The following SAMD12 variants were observed in gnomAD, a reference collection of about 807,000 sequenced individuals.
SAMD12 encodes the protein sterile alpha motif domain-containing protein 12.
In SAMD12, 9 loss-of-function variants were observed where a neutral mutation model predicts 15.0. That is an observed-to-expected ratio of 0.60 (90% CI 0.36 to 1.05). The LOEUF (loss-of-function observed/expected upper bound fraction) is 1.05, where lower values mean the gene tolerates loss of function less well. Among genes scored for constraint, SAMD12 ranks in the 50% least tolerant of loss-of-function variants. SAMD12 has a pLI of 0.01. For missense variants in SAMD12, 230 were observed against 234.2 expected (o/e 0.98, Z 0.12); for synonymous variants, 86 against 90.1 (o/e 0.96, Z 0.25).
intron 2 of SAMD12, among the ~76,000 whole-genome samples, chr8:118,528,960 AAAGAC>A (rs1825608676): frequency 6.6e-6 from 1 of 152,182 alleles, no homozygotes. Context: ...GAAAGAGAAA[AAAGAC>A]AAGAGGAAGA....
At chr8:118,243,865 A>G (rs1488506334) in intron 4 of SAMD12, among the ~76,000 whole-genome samples, 2 of 152,164 alleles carry the variant, frequency 1.3e-5, no homozygotes, top group African/African-American at 4.8e-5. Context: ...CAAAAGAAAG[A>G]AATCTGCATG....
intron 1 of SAMD12, among the ~76,000 whole-genome samples, chr8:118,611,322 T>A (rs540779263): frequency 1.3e-5 from 2 of 151,866 alleles, no homozygotes; most frequent in East Asian, 1.9e-4. Flanking sequence ...AGAAAAAAAA[T>A]GCTCAGTAAA....
chr8:118,223,691 A>G (rs1192135732), intron 4 of SAMD12, among the ~76,000 whole-genome samples: 6 of 152,216 alleles, frequency 3.9e-5, no homozygotes, highest in Admixed American at 2.6e-4. Context: ...TCTTTTGCCC[A>G]TCTCAAGTTC....
intron 2 of SAMD12, among the ~76,000 whole-genome samples, chr8:118,495,553 GC>G (rs1304265962): frequency 1.0e-5 from 1 of 98,234 alleles, no homozygotes; most frequent in Non-Finnish European, 2.0e-5. Context: ...ATTCATGTAG[GC>G]TTTTTTTTTT....
At chr8:118,281,131 T>C (rs1258200458) in intron 4 of SAMD12, among the ~76,000 whole-genome samples, 1 of 152,196 alleles carries the variant, frequency 6.6e-6, no homozygotes, top group East Asian at 1.9e-4. Context: ...CCGAGACACA[T>C]TTTCCTAAAG....
the SAMD12 span, among the ~76,000 whole-genome samples, chr8:118,152,626 G>A: frequency 2.0e-5 from 3 of 152,060 alleles, no homozygotes; most frequent in African/African-American, 7.2e-5. Flanking sequence ...AGCCTCCTGA[G>A]TAGCTGGGAC....
chr8:118,534,416 G>T (rs938648790), intron 2 of SAMD12, among the ~76,000 whole-genome samples: 1 of 151,960 alleles, frequency 6.6e-6, no homozygotes, highest in African/African-American at 2.4e-5. Context: ...TGACAATTAT[G>T]TGTCTTGGAG....
At position 118,561,171 on chromosome 8, in the gene SAMD12, A is replaced by C. The variant is rs1428605035; in HGVS notation, c.192+19544T>G. Among the ~76,000 whole-genome samples, 5 of 152,212 alleles carry C rather than the reference A, an allele frequency of 3.3e-5. No individual in the cohort carries two copies. In the East Asian group the frequency reaches 9.6e-4, roughly 29 times the overall value. Reference sequence around the variant, plus strand: ...AAAAACAGAAGGAAACAGACTAAAAATGAACACATTTAATGATTTAATAAT... The same window carrying C: ...AAAAACAGAAGGAAACAGACTAAAACTGAACACATTTAATGATTTAATAAT... On this transcript the variant is annotated intron_variant, in intron 2 of 3. Transcript: ENST00000314727.
chr8:118,428,735 A>G (rs1011686756), intron 3 of SAMD12, among the ~76,000 whole-genome samples: 1 of 152,170 alleles, frequency 6.6e-6, no homozygotes, highest in Admixed American at 6.5e-5. Flanking sequence ...TTTTTGAAAA[A>G]CATTTGGCCA....
intron 4 of SAMD12, among the ~76,000 whole-genome samples, chr8:118,247,254 G>A (rs1443313172): frequency 6.6e-6 from 1 of 152,090 alleles, no homozygotes; most frequent in Non-Finnish European, 1.5e-5. Flanking sequence ...AGAGGCTGGG[G>A]AGAAGGAGGG....
chr8:118,538,607 C>T (rs939057981), intron 2 of SAMD12, among the ~76,000 whole-genome samples: 4 of 152,192 alleles, frequency 2.6e-5, no homozygotes, highest in Admixed American at 2.6e-4. Context: ...TTCTCTCTCC[C>T]CACCACATGG....
rs143132267 is a variant in SAMD12, at chr8:118,383,045, G to A, written c.323-3345C>T. Among the ~76,000 whole-genome samples the A allele has an allele frequency of 2.3e-3, 348 of 152,150 alleles. 1 individual carries two copies. The highest frequency in any genetic ancestry group is 5.3e-3 in the African/African-American group (219 of 41,500). On this transcript the variant is annotated intron_variant, in intron 3 of 3. Coordinates refer to ENST00000314727, the MANE Select transcript of SAMD12 (RefSeq NM_207506.3). ...ACCTCCTGCTGAATACAAAATGAACGAACATCCAAATAAGTGTGGTACTGT... is the reference window on the plus strand; with the variant it reads ...ACCTCCTGCTGAATACAAAATGAACAAACATCCAAATAAGTGTGGTACTGT...
At chr8:118,235,901 G>A (rs1460637544) in intron 4 of SAMD12, among the ~76,000 whole-genome samples, 1 of 152,128 alleles carries the variant, frequency 6.6e-6, no homozygotes, top group Non-Finnish European at 1.5e-5. Flanking sequence ...AAGCAGTCCT[G>A]GGAAAACAAC....
At chr8:118,580,191 C>T (rs1046246100) in intron 2 of SAMD12, among the ~76,000 whole-genome samples, 73 of 152,132 alleles carry the variant, frequency 4.8e-4, no homozygotes, top group African/African-American at 1.7e-3. Flanking sequence ...TCAAACAGTA[C>T]CTGGGAGATA....
intron 2 of SAMD12, among the ~76,000 whole-genome samples, chr8:118,565,435 A>C (rs1158935050): frequency 4.6e-5 from 7 of 152,204 alleles, no homozygotes; most frequent in Non-Finnish European, 1.0e-4. Context: ...CAAAGATAAT[A>C]ATCATCAAAG....
chr8:118,430,519 T>C (rs973430242), intron 3 of SAMD12, among the ~76,000 whole-genome samples: 6 of 152,020 alleles, frequency 3.9e-5, no homozygotes, highest in African/African-American at 9.7e-5. Context: ...TATGCCATCA[T>C]GCCCAGCTAA....
chr8:118,326,210 C>G (rs1816557356), intron 4 of SAMD12, among the ~76,000 whole-genome samples: 1 of 152,226 alleles, frequency 6.6e-6, no homozygotes, highest in Non-Finnish European at 1.5e-5. Context: ...GCCTGCCAAT[C>G]CATTGCAGGG....
chr8:118,133,558 A>G, the SAMD12 span, among the ~76,000 whole-genome samples: 1 of 152,140 alleles, frequency 6.6e-6, no homozygotes, highest in Non-Finnish European at 1.5e-5. Flanking sequence ...TATATGTTTT[A>G]TATATAAGAA....
chr8:118,344,806 C>T (rs957875499), intron 4 of SAMD12, among the ~76,000 whole-genome samples: 2 of 152,066 alleles, frequency 1.3e-5, no homozygotes, highest in African/African-American at 4.8e-5. Context: ...CGGTCACATG[C>T]CACATAATGA....
Sources: allele counts gnomAD v4.1 joint callset (sites outside exome capture counted in the v4.1 genomes callset), GRCh38; gene constraint gnomAD v4.1.1; transcripts MANE v1.5; gene names NCBI Gene and HGNC (gene_info 2026-07-23, HGNC 2026-07-21).